The following OXR1 variants were observed in gnomAD, a reference collection of about 807,000 sequenced individuals.
OXR1 encodes oxidation resistance protein 1.
In OXR1, 41 loss-of-function variants were observed where a neutral mutation model predicts 104.6. That is an observed-to-expected ratio of 0.39 (90% confidence interval 0.31 to 0.51). The LOEUF is 0.51. Ranked by LOEUF, OXR1 falls within the 20% of genes least tolerant of loss-of-function variation. The probability of loss-of-function intolerance (pLI) is 0.77; values close to 1 mark genes in which losing one functional copy is unlikely to be tolerated. For synonymous variants in OXR1, 348 were observed against 348.4 expected (o/e 1.00, Z 0.01); for missense variants, 955 against 1,031.9 (o/e 0.93, Z 1.02).
Position 106,702,986 on chromosome 8 carries a change from G to A in OXR1, c.756G>A (p.Glu252=). ...DPHKNDPLVQ[E]NGCEEYGIMC... is the part of the protein sequence containing the mutation. ...ATAAAAATGACCCTTTGGTTCAAGA[G>A]AATGGCTGTGAGGAATATGGCATCA... is the stretch of plus-strand genomic sequence containing the variant. The change falls in exon 8 of 17, where the codon GAG becomes GAA. Residue 252 remains glutamate, a synonymous_variant. Coordinates refer to ENST00000517566, the MANE Select transcript of OXR1 (RefSeq NM_001198533.2). The A allele has an allele frequency of 6.2e-7, 1 of 1,613,650 alleles. No individual in the cohort carries two copies. Among genetic ancestry groups the A allele is most frequent in the Non-Finnish European group, 8.5e-7 (1 of 1,179,672 alleles).
At chr8:106,667,703 A>G (rs1826489970) in intron 3 of OXR1, among the ~76,000 whole-genome samples, 1 of 152,178 alleles carries the variant, frequency 6.6e-6, no homozygotes, top group Non-Finnish European at 1.5e-5. Flanking sequence ...TAATTTTTAA[A>G]ATAAACCTGA....
At chr8:106,666,667 G>A (rs1323302587) in intron 3 of OXR1, among the ~76,000 whole-genome samples, 2 of 152,144 alleles carry the variant, frequency 1.3e-5, no homozygotes, top group Non-Finnish European at 2.9e-5. Flanking sequence ...GGAATAAGGG[G>A]TATTATGGTG....
chr8:106,635,437 G>T (rs1166752743), intron 3 of OXR1, among the ~76,000 whole-genome samples: 1 of 151,942 alleles, frequency 6.6e-6, no homozygotes, highest in Non-Finnish European at 1.5e-5. Context: ...CTTAGGAGAG[G>T]TGCATTTGTT....
intron 2 of OXR1, among the ~76,000 whole-genome samples, chr8:106,478,139 C>T (rs540561671): frequency 6.6e-6 from 1 of 151,846 alleles, no homozygotes; most frequent in South Asian, 2.1e-4. Context: ...TGCTAGTGTC[C>T]TTATTGACCT....
intron 1 of OXR1, among the ~76,000 whole-genome samples, chr8:106,348,579 A>C (rs764200175): frequency 1.3e-5 from 2 of 152,138 alleles, no homozygotes; most frequent in Non-Finnish European, 2.9e-5. Flanking sequence ...TTAATGACTC[A>C]TTAAAATTGA....
Position 106,361,343 on chromosome 8 carries a change from G to A in OXR1, c.23+1707G>A, listed in dbSNP as rs185949603. Among the ~76,000 whole-genome samples, 9 of 152,296 alleles carry A rather than the reference G, an allele frequency of 5.9e-5. 1 individual carries two copies. Among genetic ancestry groups the A allele is most frequent in the Admixed American group, 5.2e-4 (8 of 15,290 alleles). ...TTACAGCTTCAGATTTTATAGAAATGATTCTTGGATATTTTTATCAGCACT... is the reference window on the plus strand; with the variant it reads ...TTACAGCTTCAGATTTTATAGAAATAATTCTTGGATATTTTTATCAGCACT... On this transcript the variant is annotated intron_variant, in intron 2 of 16. Coordinates refer to ENST00000517566, the MANE Select transcript of OXR1 (RefSeq NM_001198533.2).
intron 3 of OXR1, among the ~76,000 whole-genome samples, chr8:106,579,206 C>T (rs531252444): frequency 6.6e-6 from 1 of 152,124 alleles, no homozygotes; most frequent in African/African-American, 2.4e-5. Context: ...ATTGTAATTC[C>T]CTATTTATGG....
At chr8:106,607,233 C>T (rs1211882600) in intron 3 of OXR1, among the ~76,000 whole-genome samples, 2 of 152,192 alleles carry the variant, frequency 1.3e-5, no homozygotes, top group Non-Finnish European at 2.9e-5. Context: ...GCCATTCTGT[C>T]GAGCTTAAAG....
At chr8:106,505,250 T>A (rs1812081438) in intron 2 of OXR1, among the ~76,000 whole-genome samples, 1 of 152,340 alleles carries the variant, frequency 6.6e-6, no homozygotes, top group East Asian at 1.9e-4. Context: ...ACATGTCCTA[T>A]AAGTCTTCTG....
chr8:106,388,952 A>T (rs1020568060), intron 2 of OXR1, among the ~76,000 whole-genome samples: 3 of 152,180 alleles, frequency 2.0e-5, no homozygotes, highest in African/African-American at 7.2e-5. Flanking sequence ...GATAGCCTCA[A>T]AACTTAGGTG....
intron 2 of OXR1, among the ~76,000 whole-genome samples, chr8:106,393,359 C>T (rs953413047): frequency 6.6e-6 from 1 of 151,976 alleles, no homozygotes; most frequent in East Asian, 1.9e-4. Context: ...TCAGATAATC[C>T]CAAAACACAG....
intron 2 of OXR1, among the ~76,000 whole-genome samples, chr8:106,433,246 G>C (rs1819435374): frequency 6.6e-6 from 1 of 152,138 alleles, no homozygotes; most frequent in Non-Finnish European, 1.5e-5. Context: ...AATGTCTTCT[G>C]TTCCTGGGTG....
At chr8:106,522,876 C>A (rs1278763036) in intron 3 of OXR1, 1 of 151,942 alleles carries the variant, frequency 6.6e-6, no homozygotes, top group East Asian at 1.9e-4. Flanking sequence ...TAAAATAACA[C>A]CGATTTATGA....
intron 2 of OXR1, among the ~76,000 whole-genome samples, chr8:106,518,492 A>G (rs1813014366): frequency 6.6e-6 from 1 of 152,224 alleles, no homozygotes; most frequent in African/African-American, 2.4e-5. Flanking sequence ...TATCATTTTT[A>G]CAGCTAAGAT....
chr8:106,408,134 C>T (rs1010170360), intron 2 of OXR1, among the ~76,000 whole-genome samples: 1 of 152,154 alleles, frequency 6.6e-6, no homozygotes, highest in Non-Finnish European at 1.5e-5. Flanking sequence ...AATCATCGAT[C>T]CCCAAATAGC....
chr8:106,463,961 T>A (rs1821044672), intron 2 of OXR1, among the ~76,000 whole-genome samples: 1 of 152,150 alleles, frequency 6.6e-6, no homozygotes, highest in Non-Finnish European at 1.5e-5. Context: ...CATAACTGAT[T>A]TCACTCAAAA....
chr8:106,380,958 A>G (rs1338726298), intron 2 of OXR1, among the ~76,000 whole-genome samples: 3 of 152,190 alleles, frequency 2.0e-5, no homozygotes, highest in African/African-American at 4.8e-5. Context: ...AGAGATAAAA[A>G]TATTAATTTT....
intron 2 of OXR1, among the ~76,000 whole-genome samples, chr8:106,510,566 C>A (rs1812457254): frequency 1.3e-5 from 2 of 152,128 alleles, no homozygotes; most frequent in South Asian, 4.1e-4. Flanking sequence ...GGTTTAATTT[C>A]TAGTATTCAT....
intron 3 of OXR1, among the ~76,000 whole-genome samples, chr8:106,662,956 G>A (rs935250260): frequency 6.6e-6 from 1 of 151,890 alleles, no homozygotes; most frequent in African/African-American, 2.4e-5. Context: ...ACTTTTTGAG[G>A]GCCTACATGA....
Sources: gnomAD v4.1 joint callset for allele counts (sites outside exome capture counted in the v4.1 genomes callset) on GRCh38, gnomAD v4.1.1 for gene constraint, MANE v1.5 for transcripts, NCBI Gene and HGNC (gene_info 2026-07-23, HGNC 2026-07-21) for gene names.